NSD3: variants seen among roughly 807,000 people sequenced by gnomAD.
NSD3 encodes the protein histone-lysine N-methyltransferase NSD3.
Under a neutral mutation model 160.8 loss-of-function variants are expected in NSD3, and 24 were observed. The observed-to-expected ratio is 0.15, with a 90% CI of 0.11 to 0.21. NSD3 has a LOEUF of 0.21. NSD3 is among the 10% of genes least tolerant of loss of function. The pLI, the probability that NSD3 is intolerant of heterozygous loss-of-function variation, is 1.00. For missense variants in NSD3, 1,157 were observed against 1,735.9 expected (o/e 0.67, Z 5.93); for synonymous variants, 520 against 600.0 (o/e 0.87, Z 1.95).
chr8:38,380,369 G>A (rs1428850067), intron 1 of NSD3, among the ~76,000 whole-genome samples: 1 of 152,176 alleles, frequency 6.6e-6, no homozygotes, highest in Non-Finnish European at 1.5e-5. Context: ...CCCGGACACA[G>A]CGCTTTGCCA....
rs1381508786 is a variant in NSD3, at chr8:38,271,118, G to A, written c.*4523C>T. On this transcript the variant is annotated 3_prime_UTR_variant, in exon 24 of 24. Transcript: ENST00000317025. ...ATTTGTAAAAATGCTGGTATCTCAT[G>A]CAGGAGTCTCTTCCTCAAATGTGTT... 6.6e-6 allele frequency: 1 copy of A among 152,186 alleles called. No homozygotes were observed. Among genetic ancestry groups the A allele is most frequent in the Non-Finnish European group, 1.5e-5 (1 of 68,038 alleles). 9.4% of individuals were successfully genotyped at this position (152,186 alleles called of 1,614,324 possible).
At chr8:38,381,320 C>T (rs1811548637) in intron 1 of NSD3, among the ~76,000 whole-genome samples, 1 of 152,060 alleles carries the variant, frequency 6.6e-6, no homozygotes, top group South Asian at 2.1e-4. Flanking sequence ...TCCCTTCATT[C>T]CCATAAAATG....
chr8:38,287,547 G>C (rs1055722001), intron 19 of NSD3, among the ~76,000 whole-genome samples: 5 of 152,150 alleles, frequency 3.3e-5, no homozygotes, highest in Non-Finnish European at 7.4e-5. Context: ...GAATTGAAGG[G>C]ATGTAGGAAG....
intron 16 of NSD3, among the ~76,000 whole-genome samples, chr8:38,293,822 C>T (rs1267174079): frequency 7.4e-6 from 1 of 135,718 alleles, no homozygotes; most frequent in African/African-American, 2.8e-5. Flanking sequence ...ACTTGGGAGG[C>T]TGAAGCAGGA....
Position 38,315,536 on chromosome 8 carries a change from A to G in NSD3, c.1995T>C (p.Phe665=), listed in dbSNP as rs1440425702. Residue 665 remains phenylalanine, a synonymous_variant, in exon 11 of 24, where the codon TTT becomes TTC. Coordinates refer to ENST00000317025, the MANE Select transcript of NSD3 (RefSeq NM_023034.2). The part of the protein sequence containing the change: ...SRGLSDLQVG[F]GKQVDSPSAT... ...CTGAAGGGCTATCTACTTGCTTTCC[A>G]AAGCCTACCTACATAGAAAACATAG... The G allele has an allele frequency of 6.2e-7, 1 of 1,613,362 alleles. No individual in the cohort carries two copies. The highest frequency in any genetic ancestry group is 8.5e-7 in the Non-Finnish European group (1 of 1,179,796).
chr8:38,318,824 G>T lies in NSD3; in HGVS notation c.1855+71C>A, dbSNP rs375003081. The T allele has an allele frequency of 2.8e-6, 4 of 1,414,054 alleles. No individual in the cohort carries two copies. The highest frequency in any genetic ancestry group is 4.0e-6 in the Non-Finnish European group (4 of 1,008,602). 87.6% of individuals were successfully genotyped at this position (1,414,054 alleles called of 1,614,324 possible). ...TTTACAGAGACAGACAAAAATACAT[G>T]AAGTACAAATAATTCTTAAAAATTG... On this transcript the variant is annotated intron_variant, in intron 9 of 23. Transcript: ENST00000317025. The surrounding 1 kb of genome is among the most constrained non-coding windows in gnomAD (Gnocchi z 5.3).
chr8:38,368,396 G>A (rs1402317576), intron 1 of NSD3, among the ~76,000 whole-genome samples: 1 of 152,198 alleles, frequency 6.6e-6, no homozygotes, highest in Non-Finnish European at 1.5e-5. Context: ...AGAGAAGGAT[G>A]ATGATTAAAG....
intron 4 of NSD3, among the ~76,000 whole-genome samples, chr8:38,332,733 C>CT (rs578132772): frequency 8.8e-5 from 13 of 147,530 alleles, no homozygotes; most frequent in East Asian, 5.9e-4. Flanking sequence ...GAAGGGCATT[C>CT]TTTTTTTTTT....
Position 38,321,268 on chromosome 8 carries a change from C to A in NSD3, c.1709-96G>T. On this transcript the variant is annotated intron_variant, in intron 7 of 23. Transcript: ENST00000317025. This position sits in a 1 kb window ranked among gnomAD's most constrained non-coding sequence, Gnocchi z 4.7. ...TGACCACATTCCTTGCTTTTCTTACCCATTACTTTTGGAATTTTAATTAAA... is the reference window on the plus strand; with the variant it reads ...TGACCACATTCCTTGCTTTTCTTACACATTACTTTTGGAATTTTAATTAAA... The A allele has an allele frequency of 1.0e-6, 1 of 953,476 alleles. No individual in the cohort carries two copies. Among genetic ancestry groups the A allele is most frequent in the South Asian group, 1.8e-5 (1 of 55,040 alleles). The allele number at this position is 953,476 out of a possible 1,614,324, so 59.1% of individuals were successfully genotyped here.
At chr8:38,276,684 A>G in intron 22 of NSD3, 184 bp from the exon 23 acceptor site, 1 of 649,392 alleles carries the variant, frequency 1.5e-6, no homozygotes, top group Non-Finnish European at 2.6e-6. Flanking sequence ...TCACTGACTT[A>G]AAAATTATTT....
At chr8:38,374,052 C>G (rs1811327158) in intron 1 of NSD3, among the ~76,000 whole-genome samples, 1 of 150,940 alleles carries the variant, frequency 6.6e-6, no homozygotes, top group African/African-American at 2.4e-5. Context: ...GAAGTTGAGG[C>G]TGCAGTGAGC....
At chr8:38,347,394 T>A (rs566171565) in intron 2 of NSD3, 103 bp downstream of exon 2, 36 of 1,249,058 alleles carry the variant, frequency 2.9e-5, no homozygotes, top group Non-Finnish European at 3.9e-5. Flanking sequence ...AAAGAAGTTA[T>A]CAGACAGATT....
At chr8:38,303,690 C>T (rs1178669308) in intron 14 of NSD3, among the ~76,000 whole-genome samples, 1 of 152,126 alleles carries the variant, frequency 6.6e-6, no homozygotes, top group African/African-American at 2.4e-5. Context: ...AGCAACCAAC[C>T]AAACAAAAAC....
intron 1 of NSD3, among the ~76,000 whole-genome samples, chr8:38,364,241 C>T (rs952134338): frequency 1.1e-4 from 16 of 152,036 alleles, no homozygotes; most frequent in Non-Finnish European, 2.4e-4. Context: ...CGTGCCACTG[C>T]ACTCCAGCCT....
At chr8:38,350,322 T>C (rs1022840760) in intron 1 of NSD3, among the ~76,000 whole-genome samples, 7 of 152,210 alleles carry the variant, frequency 4.6e-5, no homozygotes, top group Admixed American at 3.9e-4. Context: ...AGTGTTCCTA[T>C]TTCTCCACAC....
intron 1 of NSD3, among the ~76,000 whole-genome samples, chr8:38,363,069 G>A (rs754900017): frequency 2.0e-5 from 3 of 152,212 alleles, no homozygotes; most frequent in Non-Finnish European, 2.9e-5. Flanking sequence ...AAGTGTGGTA[G>A]TGCCTTCAGT....
chr8:38,333,501 T>TA (rs1419260316), intron 4 of NSD3, among the ~76,000 whole-genome samples: 1 of 152,274 alleles, frequency 6.6e-6, no homozygotes, highest in Non-Finnish European at 1.5e-5. Flanking sequence ...AACATGCTCT[T>TA]ACAAATAATT....
rs1015216508 is a variant in NSD3 at position 38,272,018 on chromosome 8, T to A, written c.*3623A>T. 1.3e-5 allele frequency: 2 copies of A among 152,242 alleles called. No homozygotes were observed. The highest frequency in any genetic ancestry group is 2.9e-5 in the Non-Finnish European group (2 of 68,050). 9.4% of individuals were successfully genotyped at this position (152,242 alleles called of 1,614,324 possible). A position where few individuals can be genotyped will look rare whatever the true frequency, so the allele number is the denominator to read the frequency against. On this transcript the variant is annotated 3_prime_UTR_variant, in exon 24 of 24. Transcript: ENST00000317025. ...GGGTTTGACCTATTGGAATACACCATGCAAGAAACTACTCAAAAAGGAAAT... is the reference window on the plus strand; with the variant it reads ...GGGTTTGACCTATTGGAATACACCAAGCAAGAAACTACTCAAAAAGGAAAT...
chr8:38,295,671 T>TC (rs1809118006), intron 16 of NSD3, 125 bp downstream of exon 16: 1 of 892,788 alleles, frequency 1.1e-6, no homozygotes, highest in East Asian at 2.8e-5. Flanking sequence ...TTCTTTTCTT[T>TC]TTTTTTTTTA....
Sources: gnomAD v4.1 joint callset for allele counts (sites outside exome capture counted in the v4.1 genomes callset) on GRCh38, gnomAD v4.1.1 for gene constraint, Gnocchi (gnomAD v3.1) non-coding constraint, MANE v1.5 for transcripts, NCBI Gene and HGNC (gene_info 2026-07-23, HGNC 2026-07-21) for gene names.